The following COL8A1 variants were observed in gnomAD, a reference collection of about 807,000 sequenced individuals.
COL8A1 encodes the protein collagen type VIII alpha 1 chain, also known as collagen alpha-1(VIII) chain.
In COL8A1, 21 loss-of-function variants were observed where a neutral mutation model predicts 42.7. That is an observed-to-expected ratio of 0.49 (90% CI 0.35 to 0.71). COL8A1 has a LOEUF of 0.71. Among genes scored for constraint, COL8A1 ranks in the 30% least tolerant of loss-of-function variants. COL8A1 has a pLI of 0.01. For missense variants in COL8A1, 788 were observed against 962.4 expected (o/e 0.82, Z 2.40); for synonymous variants, 367 against 369.1 (o/e 0.99, Z 0.06).
intron 2 of COL8A1, among the ~76,000 whole-genome samples, chr3:99,759,642 T>C (rs1941328277): frequency 6.6e-6 from 1 of 152,208 alleles, no homozygotes; most frequent in African/African-American, 2.4e-5. Context: ...CCAATGTTTT[T>C]TTAGACACAC....
At chr3:99,755,887 G>A (rs1306928112) in intron 2 of COL8A1, among the ~76,000 whole-genome samples, 1 of 152,132 alleles carries the variant, frequency 6.6e-6, no homozygotes, top group Non-Finnish European at 1.5e-5. Context: ...GAGTTTACAT[G>A]AACTGGGGTG....
chr3:99,739,038 C>A (rs543791571), intron 1 of COL8A1, among the ~76,000 whole-genome samples: 3 of 152,294 alleles, frequency 2.0e-5, no homozygotes, highest in Admixed American at 1.3e-4. Flanking sequence ...AACTCCCTGA[C>A]CCCTTGCGCT....
At chr3:99,760,925 C>T (rs1346855085) in intron 2 of COL8A1, among the ~76,000 whole-genome samples, 1 of 152,142 alleles carries the variant, frequency 6.6e-6, no homozygotes, top group Non-Finnish European at 1.5e-5. Flanking sequence ...AGCAAAGCCT[C>T]GTCTGTTTGA....
intron 1 of COL8A1, chr3:99,685,481 A>G (rs1939022777): frequency 6.6e-6 from 1 of 152,194 alleles, no homozygotes; most frequent in Non-Finnish European, 1.5e-5. Context: ...GTCAACGTGA[A>G]GTTAAGAAGT....
intron 3 of COL8A1, among the ~76,000 whole-genome samples, chr3:99,791,977 T>G (rs1334781072): frequency 6.6e-6 from 1 of 152,226 alleles, no homozygotes; most frequent in Non-Finnish European, 1.5e-5. Context: ...TTGCTACAAC[T>G]GCTCATTCAA....
chr3:99,745,630 T>C (rs763046058), intron 2 of COL8A1, among the ~76,000 whole-genome samples: 55 of 152,272 alleles, frequency 3.6e-4, no homozygotes, highest in Non-Finnish European at 7.2e-4. Flanking sequence ...TGAAGTGATA[T>C]GTACTAAATT....
chr3:99,779,917 C>T (rs1941765428), intron 2 of COL8A1, among the ~76,000 whole-genome samples: 2 of 152,108 alleles, frequency 1.3e-5, no homozygotes, highest in African/African-American at 4.8e-5. Context: ...AACATTGAGC[C>T]AGGGGACAAT....
intron 1 of COL8A1, among the ~76,000 whole-genome samples, chr3:99,654,869 A>G (rs1217317454): frequency 1.3e-5 from 2 of 152,132 alleles, no homozygotes; most frequent in African/African-American, 4.8e-5. Flanking sequence ...ACAAAGGAAG[A>G]AGGACCATAA....
Position 99,714,807 on chromosome 3 carries a change from A to T in COL8A1, c.-128-30090A>T, listed in dbSNP as rs186224036. 3.2e-3 allele frequency among the ~76,000 whole-genome samples: 485 copies of T among 152,234 alleles called. 2 individuals are homozygous for T. Among genetic ancestry groups the T allele is most frequent in the African/African-American group, 0.011 (458 of 41,548 alleles). The stretch of plus-strand genomic sequence containing the variant: ...AAAACAAATAAATAAAATTTTTCAG[A>T]TGACGAGTGCCATAAAGAATAAACA... On this transcript the variant is annotated intron_variant, in intron 1 of 3. Coordinates refer to ENST00000652472, the MANE Select transcript of COL8A1 (RefSeq NM_020351.4).
intron 1 of COL8A1, chr3:99,677,819 G>T (rs1161133191): frequency 2.0e-5 from 3 of 152,168 alleles, no homozygotes; most frequent in Non-Finnish European, 4.4e-5. Context: ...AAGACAAAGA[G>T]CTAGGACTTG....
chr3:99,710,796 T>C (rs1308888575), intron 1 of COL8A1, among the ~76,000 whole-genome samples: 1 of 152,212 alleles, frequency 6.6e-6, no homozygotes, highest in Non-Finnish European at 1.5e-5. Flanking sequence ...AGTGGTAAAG[T>C]TAACATCCAA....
chr3:99,774,481 T>G (rs1266503179), intron 2 of COL8A1, among the ~76,000 whole-genome samples: 2 of 152,146 alleles, frequency 1.3e-5, no homozygotes, highest in African/African-American at 4.8e-5. Context: ...AAAATAAGTT[T>G]GTTTTTTATG....
intron 2 of COL8A1, among the ~76,000 whole-genome samples, chr3:99,779,617 A>C (rs1357051229): frequency 6.6e-6 from 1 of 152,210 alleles, no homozygotes; most frequent in Non-Finnish European, 1.5e-5. Context: ...TAGTGTTTCC[A>C]TGTGGCTAAC....
intron 3 of COL8A1, 69 bp downstream of exon 3, chr3:99,791,079 G>A: frequency 7.3e-7 from 1 of 1,376,076 alleles, no homozygotes; most frequent in South Asian, 1.4e-5. Context: ...GGATCAGAGG[G>A]GGAAGATAAA....
At chr3:99,657,535 C>T (rs1938060159) in intron 1 of COL8A1, among the ~76,000 whole-genome samples, 1 of 152,172 alleles carries the variant, frequency 6.6e-6, no homozygotes, top group African/African-American at 2.4e-5. Context: ...GTACTAAAAT[C>T]TCATTACCTA....
At chr3:99,793,656 C>T (rs1459080874) in intron 3 of COL8A1, among the ~76,000 whole-genome samples, 1 of 152,106 alleles carries the variant, frequency 6.6e-6, no homozygotes, top group Non-Finnish European at 1.5e-5. Context: ...CTTTACTTAA[C>T]CAATGTTGAT....
chr3:99,795,903 C>T lies in COL8A1; in HGVS notation c.2002C>T (p.His668Tyr), dbSNP rs1409902594. 3.7e-6 allele frequency: 6 copies of T among 1,614,056 alleles called. No homozygotes were observed. Among genetic ancestry groups the T allele is most frequent in the Non-Finnish European group, 5.1e-6 (6 of 1,180,028 alleles). ...PGVYYFAYHV[H>Y]CKGGNVWVAL... The stretch of plus-strand genomic sequence containing the variant: ...TGTCTACTACTTTGCATACCACGTT[C>T]ACTGCAAGGGGGGCAACGTGTGGGT... The change falls in exon 4 of 4, where the codon CAC (histidine) becomes TAC (tyrosine). Residue 668 changes from histidine (H) to tyrosine (Y), a missense_variant. His to Tyr is a moderately conservative substitution (Grantham distance 83). Transcript: ENST00000652472.
At chr3:99,677,408 A>G (rs957496887) in intron 1 of COL8A1, among the ~76,000 whole-genome samples, 2 of 152,250 alleles carry the variant, frequency 1.3e-5, no homozygotes, top group South Asian at 2.1e-4. Flanking sequence ...ATTACCTAAC[A>G]CCAGATAACA....
intron 2 of COL8A1, among the ~76,000 whole-genome samples, chr3:99,787,396 G>A (rs894922329): frequency 1.3e-5 from 2 of 152,066 alleles, no homozygotes; most frequent in African/African-American, 2.4e-5. Context: ...TTTAACAAGT[G>A]CATTTTAATG....
Sources: allele counts gnomAD v4.1 joint callset (sites outside exome capture counted in the v4.1 genomes callset), GRCh38; gene constraint gnomAD v4.1.1; transcripts MANE v1.5; gene names NCBI Gene and HGNC (gene_info 2026-07-23, HGNC 2026-07-21).